The following MACROD2 variants were observed in gnomAD, a reference collection of about 807,000 sequenced individuals.
MACROD2 encodes ADP-ribose glycohydrolase MACROD2.
Under a neutral mutation model 70.4 loss-of-function variants are expected in MACROD2, and 36 were observed. That is an observed-to-expected ratio of 0.51 (90% CI 0.39 to 0.68). The LOEUF (loss-of-function observed/expected upper bound fraction) is 0.68, where lower values mean the gene tolerates loss of function less well. MACROD2 is among the 30% of genes least tolerant of loss of function. MACROD2 has a pLI of 0.00. For synonymous variants in MACROD2, 172 were observed against 178.8 expected (o/e 0.96, Z 0.30); for missense variants, 496 against 538.4 (o/e 0.92, Z 0.78).
chr20:15,973,268 TGAG>T (rs60742392), intron 13 of MACROD2, among the ~76,000 whole-genome samples: 3,043 of 151,990 alleles, frequency 0.02, 64 homozygotes, highest in African/African-American at 0.061. Context: ...AAAGAGGAAA[TGAG>T]GAAGGGAATG....
At chr20:14,438,305 C>T (rs536976537) in intron 3 of MACROD2, among the ~76,000 whole-genome samples, 83 of 152,288 alleles carry the variant, frequency 5.5e-4, no homozygotes, top group Admixed American at 2.8e-3. Flanking sequence ...CAGTTTATTT[C>T]ATCCATTTGT....
At chr20:15,848,850 C>T (rs1042010512) in intron 8 of MACROD2, among the ~76,000 whole-genome samples, 1 of 152,092 alleles carries the variant, frequency 6.6e-6, no homozygotes, top group Admixed American at 6.6e-5. Context: ...ATATGACAGA[C>T]CTTTTCTCAT....
chr20:14,981,438 A>G (rs144037871), intron 5 of MACROD2, among the ~76,000 whole-genome samples: 1 of 59,074 alleles, frequency 1.7e-5, no homozygotes, highest in Non-Finnish European at 3.3e-5. Flanking sequence ...ATATGTATAT[A>G]TATATATATA....
At chr20:14,787,729 A>G (rs2072392485) in intron 5 of MACROD2, among the ~76,000 whole-genome samples, 1 of 152,054 alleles carries the variant, frequency 6.6e-6, no homozygotes, top group Non-Finnish European at 1.5e-5. Flanking sequence ...ATTCCTTTCC[A>G]GAACACCATT....
intron 5 of MACROD2, among the ~76,000 whole-genome samples, chr20:15,036,889 A>G (rs933196394): frequency 1.3e-5 from 2 of 151,922 alleles, no homozygotes; most frequent in South Asian, 4.1e-4. Flanking sequence ...TATAAAGATA[A>G]TTATGAAATA....
intron 5 of MACROD2, among the ~76,000 whole-genome samples, chr20:14,961,653 C>G (rs537832678): frequency 5.3e-5 from 8 of 152,024 alleles, no homozygotes; most frequent in Non-Finnish European, 1.2e-4. Flanking sequence ...GGCCCCTCAA[C>G]TCCCCATCCC....
intron 2 of MACROD2, among the ~76,000 whole-genome samples, chr20:14,056,438 A>G (rs773906428): frequency 3.9e-5 from 6 of 151,964 alleles, no homozygotes; most frequent in South Asian, 2.1e-4. Context: ...TTTTCTAACA[A>G]CTTAGTACTT....
chr20:15,416,162 ACT>A (rs1438677424), intron 6 of MACROD2, among the ~76,000 whole-genome samples: 1 of 152,122 alleles, frequency 6.6e-6, no homozygotes, highest in Non-Finnish European at 1.5e-5. Context: ...TCCATAATAG[ACT>A]CTGGTTGATA....
intron 5 of MACROD2, among the ~76,000 whole-genome samples, chr20:15,034,795 A>G (rs6079637): frequency 0.17 from 26,098 of 152,160 alleles, 2,902 homozygotes; most frequent in East Asian, 0.33. Context: ...TGATGCTAAC[A>G]AAACATTTTT....
intron 8 of MACROD2, among the ~76,000 whole-genome samples, chr20:15,611,910 G>T (rs1449264174): frequency 1.4e-5 from 2 of 147,554 alleles, no homozygotes; most frequent in Non-Finnish European, 3.0e-5. Context: ...GTGTATGTCT[G>T]CATAACAAAG....
At chr20:15,274,442 G>T (rs1241513250) in intron 6 of MACROD2, among the ~76,000 whole-genome samples, 2 of 152,178 alleles carry the variant, frequency 1.3e-5, no homozygotes, top group Non-Finnish European at 2.9e-5. Context: ...TCTTTCTCCT[G>T]GTTCTTACTC....
At chr20:14,425,062 A>G (rs1049913663) in intron 3 of MACROD2, among the ~76,000 whole-genome samples, 2 of 152,224 alleles carry the variant, frequency 1.3e-5, no homozygotes, top group Admixed American at 6.5e-5. Flanking sequence ...ACTCTTTGAC[A>G]TACTCAGCCT....
At chr20:14,978,961 ATATT>A (rs1382974756) in intron 5 of MACROD2, among the ~76,000 whole-genome samples, 1 of 145,956 alleles carries the variant, frequency 6.9e-6, no homozygotes, top group Non-Finnish European at 1.5e-5. Context: ...ATATATATAT[ATATT>A]TAAGAGACAG....
chr20:15,065,310 GC>G (rs2075564670), intron 5 of MACROD2, among the ~76,000 whole-genome samples: 1 of 152,134 alleles, frequency 6.6e-6, no homozygotes, highest in Non-Finnish European at 1.5e-5. Flanking sequence ...AAGTACCATT[GC>G]TTTTGTCTTC....
Position 15,311,739 on chromosome 20 carries a change from C to T in MACROD2, c.540+81678C>T, listed in dbSNP as rs2077754936. On this transcript the variant is annotated intron_variant, in intron 6 of 17. Transcript: ENST00000684519. The stretch of plus-strand genomic sequence containing the variant: ...ATAAGTGGGAGCTAAATATCGAGTA[C>T]TCACAAACATAAAGATGACACAATC... Among the ~76,000 whole-genome samples the T allele has an allele frequency of 2.0e-5, 3 of 152,154 alleles. No individual in the cohort carries two copies. The South Asian group carries it at 6.2e-4, about 32-fold the overall frequency.
At chr20:15,542,127 A>C (rs1317497970) in intron 8 of MACROD2, among the ~76,000 whole-genome samples, 1 of 152,190 alleles carries the variant, frequency 6.6e-6, no homozygotes, top group Non-Finnish European at 1.5e-5. Context: ...AAAGTATATC[A>C]GATAGTGCCT....
At chr20:14,788,957 C>T (rs889482770) in intron 5 of MACROD2, among the ~76,000 whole-genome samples, 2 of 151,496 alleles carry the variant, frequency 1.3e-5, no homozygotes, top group East Asian at 1.9e-4. Context: ...TTAATAGAGA[C>T]GGGGTTTCAC....
chr20:14,821,740 T>C (rs1005030074), intron 5 of MACROD2, among the ~76,000 whole-genome samples: 1 of 152,114 alleles, frequency 6.6e-6, no homozygotes, highest in Admixed American at 6.6e-5. Context: ...GTTGATCATA[T>C]AGAAGTTTAG....
chr20:14,325,241 G>A (rs2082715090), intron 3 of MACROD2: 1 of 192,692 alleles, frequency 5.2e-6, no homozygotes, highest in South Asian at 1.5e-4. Flanking sequence ...CAGTCAACAA[G>A]TCATCTTACT....
Sources: allele counts gnomAD v4.1 joint callset (sites outside exome capture counted in the v4.1 genomes callset), GRCh38; gene constraint gnomAD v4.1.1; transcripts MANE v1.5; gene names NCBI Gene and HGNC (gene_info 2026-07-23, HGNC 2026-07-21).